ARHGAP32: variants seen among roughly 807,000 people sequenced by gnomAD.
ARHGAP32 encodes rho GTPase-activating protein 32.
ARHGAP32 carries 51 observed loss-of-function variants against 186.5 expected under a neutral mutation model. That is an observed-to-expected ratio of 0.27 (90% CI 0.22 to 0.35). ARHGAP32 has a LOEUF of 0.35. Among genes scored for constraint, ARHGAP32 ranks in the 10% least tolerant of loss-of-function variants. The pLI is 1.00. For missense variants in ARHGAP32, 2,186 were observed against 2,623.5 expected (o/e 0.83, Z 3.64); for synonymous variants, 950 against 964.3 (o/e 0.99, Z 0.27).
intron 10 of ARHGAP32, among the ~76,000 whole-genome samples, chr11:129,049,051 G>A (rs1377436702): frequency 6.6e-6 from 1 of 151,992 alleles, no homozygotes; most frequent in Non-Finnish European, 1.5e-5. Flanking sequence ...GTCACAAGGA[G>A]TTTTAAGTTC....
intron 10 of ARHGAP32, among the ~76,000 whole-genome samples, chr11:129,049,711 G>A (rs1418926000): frequency 6.6e-6 from 1 of 152,100 alleles, no homozygotes; most frequent in Admixed American, 6.5e-5. Flanking sequence ...TTTATCAACT[G>A]TGTATTCCTT....
chr11:129,083,904 G>T (rs1941300701), intron 6 of ARHGAP32, among the ~76,000 whole-genome samples: 1 of 152,052 alleles, frequency 6.6e-6, no homozygotes, highest in African/African-American at 2.4e-5. Flanking sequence ...CAATAAAATT[G>T]AGAAGCTTCT....
intron 1 of ARHGAP32, among the ~76,000 whole-genome samples, chr11:129,243,241 T>A (rs1467871996): frequency 6.6e-6 from 1 of 152,134 alleles, no homozygotes; most frequent in Non-Finnish European, 1.5e-5. Flanking sequence ...CAAGAGCTAG[T>A]TTTAACTTCC....
At chr11:129,099,045 T>C (rs576960498) in intron 5 of ARHGAP32, among the ~76,000 whole-genome samples, 1 of 152,122 alleles carries the variant, frequency 6.6e-6, no homozygotes, top group South Asian at 2.1e-4. Flanking sequence ...AAAGCATTAA[T>C]GCAGGAATAT....
chr11:129,053,294 C>A (rs1940128013), intron 10 of ARHGAP32, among the ~76,000 whole-genome samples: 1 of 152,062 alleles, frequency 6.6e-6, no homozygotes, highest in South Asian at 2.1e-4. Context: ...GTATTTATTT[C>A]TATGTCCCAA....
chr11:129,073,654 G>A (rs1940940613), intron 6 of ARHGAP32, among the ~76,000 whole-genome samples: 1 of 151,122 alleles, frequency 6.6e-6, no homozygotes, highest in African/African-American at 2.4e-5. Flanking sequence ...GGAGAAAGGA[G>A]CAAAACCAAT....
chr11:129,005,699 G>A (rs1937725388), intron 11 of ARHGAP32, among the ~76,000 whole-genome samples: 1 of 152,056 alleles, frequency 6.6e-6, no homozygotes, highest in Admixed American at 6.5e-5. Flanking sequence ...ACCTTTGGCA[G>A]TATTATTATT....
At chr11:129,068,588 C>T (rs1940770803) in intron 6 of ARHGAP32, among the ~76,000 whole-genome samples, 1 of 152,220 alleles carries the variant, frequency 6.6e-6, no homozygotes, top group Middle Eastern at 3.4e-3. Context: ...ATTTACAGCA[C>T]TGCTAACCAG....
intron 5 of ARHGAP32, among the ~76,000 whole-genome samples, chr11:129,097,514 A>G (rs754045350): frequency 1.3e-5 from 2 of 152,176 alleles, no homozygotes; most frequent in Non-Finnish European, 2.9e-5. Context: ...GCTGAGAAGT[A>G]TAACAACTGA....
At chr11:129,100,127 G>C (rs892149968) in intron 5 of ARHGAP32, among the ~76,000 whole-genome samples, 1 of 152,218 alleles carries the variant, frequency 6.6e-6, no homozygotes, top group African/African-American at 2.4e-5. Context: ...CAATCCAGTT[G>C]ATGTGGAGCC....
At chr11:128,997,322 C>G (rs1946227133) in intron 12 of ARHGAP32, among the ~76,000 whole-genome samples, 1 of 152,098 alleles carries the variant, frequency 6.6e-6, no homozygotes, top group Admixed American at 6.5e-5. Context: ...TCTCAAGAAA[C>G]ATGGTACAGT....
intron 1 of ARHGAP32, among the ~76,000 whole-genome samples, chr11:129,273,368 C>A (rs1016297695): frequency 3.3e-5 from 5 of 152,134 alleles, no homozygotes; most frequent in Non-Finnish European, 5.9e-5. Context: ...GATTGCTATT[C>A]CTACTTAATC....
chr11:129,222,957 T>C (rs1944732932), intron 1 of ARHGAP32, among the ~76,000 whole-genome samples: 1 of 152,182 alleles, frequency 6.6e-6, no homozygotes, highest in African/African-American at 2.4e-5. Flanking sequence ...ATAGAAATAA[T>C]GCAAGTGGTA....
At chr11:129,072,093 T>A (rs1940887625) in intron 6 of ARHGAP32, among the ~76,000 whole-genome samples, 1 of 152,098 alleles carries the variant, frequency 6.6e-6, no homozygotes, top group African/African-American at 2.4e-5. Flanking sequence ...TACAAAGTTG[T>A]AGTTAGGAGG....
At chr11:129,254,711 C>T (rs1014302434) in intron 1 of ARHGAP32, among the ~76,000 whole-genome samples, 8 of 151,950 alleles carry the variant, frequency 5.3e-5, no homozygotes, top group East Asian at 3.9e-4. Context: ...ATGGCATCTA[C>T]GGAGCTGGTC....
At position 128,980,676 on chromosome 11, in the gene ARHGAP32, T is replaced by C. The variant is rs1945682615; in HGVS notation, c.1853A>G (p.Gln618Arg). The change falls in exon 18 of 23, where the codon CAG becomes CGG. Residue 618 changes from glutamine (Q) to arginine (R), a missense_variant. This residue lies in a region of ARHGAP32 where 263 missense variants were observed against 323.5 expected (regional missense o/e 0.81). Transcript: ENST00000682385. ...STKLLTLEEA[Q>R]ARTQAQVNSP... ...ATTGACCTGAGCTTGTGTTCGTGCC[T>C]GGGCCTCTTCCAATGTCAGCAGTTT... The C allele has an allele frequency of 6.2e-7, 1 of 1,613,914 alleles. No individual in the cohort carries two copies.
At chr11:129,267,013 CA>C (rs1945410220) in intron 1 of ARHGAP32, among the ~76,000 whole-genome samples, 2 of 152,280 alleles carry the variant, frequency 1.3e-5, no homozygotes, top group Admixed American at 1.3e-4. Context: ...CACAGACACG[CA>C]CATGCAAACT....
At chr11:129,010,711 T>C (rs1380127891) in intron 11 of ARHGAP32, among the ~76,000 whole-genome samples, 2 of 152,220 alleles carry the variant, frequency 1.3e-5, no homozygotes, top group East Asian at 3.8e-4. Flanking sequence ...AGGATATTAG[T>C]TGATTCTTTT....
intron 2 of ARHGAP32, among the ~76,000 whole-genome samples, chr11:129,131,175 G>A (rs917858718): frequency 1.3e-5 from 2 of 151,762 alleles, no homozygotes; most frequent in Non-Finnish European, 1.5e-5. Flanking sequence ...TGAGAAATAC[G>A]AAAAAACCTT....
Sources: gnomAD v4.1 joint callset for allele counts (sites outside exome capture counted in the v4.1 genomes callset) on GRCh38, gnomAD v4.1.1 for gene constraint, gnomAD v4.1.1 regional missense constraint, MANE v1.5 for transcripts, NCBI Gene and HGNC (gene_info 2026-07-23, HGNC 2026-07-21) for gene names.